PLXNA3: variants seen among roughly 807,000 people sequenced by gnomAD.
The protein encoded by PLXNA3 is plexin-A3.
A neutral mutation model predicts 118.8 loss-of-function variants in PLXNA3; 52 were observed. The ratio of observed to expected loss-of-function variants is 0.44; its 90% confidence interval spans 0.35 to 0.55. The LOEUF is 0.55. Among genes scored for constraint, PLXNA3 ranks in the 20% least tolerant of loss-of-function variants. PLXNA3 has a pLI of 0.01. For missense variants in PLXNA3, 1,660 were observed against 1,730.8 expected (o/e 0.96, Z 0.73); for synonymous variants, 925 against 762.4 (o/e 1.21, Z -3.51).
chrX:154,466,849 G>A, intron 17 of PLXNA3, 56 bp downstream of exon 17: 1 of 1,049,353 alleles, frequency 9.5e-7, no homozygotes, highest in Non-Finnish European at 1.3e-6. Context: ...CAGGGACTGG[G>A]TGGTCTCTGA....
chrX:154,461,784 C>G (rs781850121), intron 3 of PLXNA3, 146 bp downstream of exon 3: 1 of 566,465 alleles, frequency 1.8e-6, no homozygotes, highest in Non-Finnish European at 2.8e-6. Context: ...TTCTCCCTCC[C>G]AGGGGTCCCT....
Position 154,467,776 on chromosome X carries a change from G to T in PLXNA3, c.3595G>T (p.Gly1199Cys). The T allele has an allele frequency of 8.3e-7, 1 of 1,201,102 alleles. No homozygotes were observed. Residue 1199 changes from glycine (G) to cysteine (C), a missense_variant, in exon 21 of 33, where the codon GGT becomes TGT. Physicochemically the swap from Gly to Cys is radical, Grantham distance 159. Around this residue, in one of 2 missense-constraint regions of PLXNA3, gnomAD observed 869 missense variants for 1,078.7 expected, o/e 0.81. Coordinates refer to ENST00000369682, the MANE Select transcript of PLXNA3 (RefSeq NM_017514.5). ...AGGCCTGTCCCCACAGGTGCTGGTG[G>T]GTGGCCTGGAGTTCTGGCTGGGCAC... ...TGRQPVMVLVGGLEFWLGTLH... is the reference protein window; with the variant it reads ...TGRQPVMVLVCGLEFWLGTLH...
rs1557210702 is a variant in PLXNA3, at chrX:154,475,320, C to T, written c.*2635C>T. ...TTCTCCATGTTGGTCAGGCTGGTCT[C>T]GAGCTCCCGACCTCAGGTGATCCGC... On this transcript the variant is annotated 3_prime_UTR_variant, in exon 33 of 33. Transcript: ENST00000369682. The T allele has an allele frequency of 9.0e-6, 1 of 111,120 alleles. No homozygotes were observed. Among genetic ancestry groups the T allele is most frequent in the African/African-American group, 3.3e-5 (1 of 30,544 alleles). 9.2% of individuals were successfully genotyped at this position (111,120 alleles called of 1,213,427 possible).
rs1310874216 is a variant in PLXNA3, at chrX:154,467,359, C to T, written c.3329C>T (p.Thr1110Met). The T allele has an allele frequency of 1.2e-5, 15 of 1,203,404 alleles. No individual in the cohort carries two copies. The highest frequency in any genetic ancestry group is 3.0e-5 in the East Asian group (1 of 33,777). The change falls in exon 19 of 33, where the codon ACG becomes ATG. Residue 1110 changes from threonine to methionine, a missense_variant. Physicochemically the swap from Thr to Met is moderately conservative, Grantham distance 81. Transcript: ENST00000369682. ...EFGFLLDHVQ[T>M]ARSLNRSSFT... is the part of the protein sequence containing the mutation. The stretch of plus-strand genomic sequence containing the variant: ...GGCTTCCTGCTGGACCACGTGCAAA[C>T]GGCCCGCTCCCTCAACCGCTCCTCC...
chrX:154,472,877 G>C lies in PLXNA3; in HGVS notation c.*192G>C. 2.4e-6 allele frequency: 1 copy of C among 409,408 alleles called. No homozygotes were observed. Among genetic ancestry groups the C allele is most frequent in the South Asian group, 3.9e-5 (1 of 25,380 alleles). The allele number at this position is 409,408 out of a possible 1,213,427, so 33.7% of individuals were successfully genotyped here. ...TGCCTTGCTTTGGGCCCTGCAGGGGGAGGGGTGACAGGGCGAGCCCCCACC... is the reference window on the plus strand; with the variant it reads ...TGCCTTGCTTTGGGCCCTGCAGGGGCAGGGGTGACAGGGCGAGCCCCCACC... On this transcript the variant is annotated 3_prime_UTR_variant, in exon 33 of 33. Transcript: ENST00000369682.
Position 154,463,621 on chromosome X carries a change from A to T in PLXNA3, c.1478A>T (p.Gln493Leu). The change falls in exon 6 of 33, where the codon CAG becomes CTG. Residue 493 changes from glutamine to leucine, a missense_variant. Physicochemically the swap from Gln to Leu is moderately radical, Grantham distance 113 (BLOSUM62 -2). Transcript: ENST00000369682. ...CAGCTCCCGGTGGAGACCTGTGAGCAGTACCAGAGCTGCGCAGCCTGCCTG... is the reference window on the plus strand; with the variant it reads ...CAGCTCCCGGTGGAGACCTGTGAGCTGTACCAGAGCTGCGCAGCCTGCCTG... ...VSQLPVETCE[Q>L]YQSCAACLGS... is the part of the protein sequence containing the mutation. 1 of 1,204,757 alleles carries T rather than the reference A, an allele frequency of 8.3e-7. No individual in the cohort carries two copies.
At position 154,465,947 on chromosome X, in the gene PLXNA3, G is replaced by A. The variant is rs200544868; in HGVS notation, c.2545G>A (p.Val849Met). The change falls in exon 14 of 33, where the codon GTG becomes ATG. Residue 849 changes from valine to methionine, a missense_variant. Transcript: ENST00000369682. ...TCCTGCTCCACAGATCCACCCTCTC[G>A]TGGGGCCCAAGGAAGGAGGCACCCG... ...HPRITQIHPLVGPKEGGTRVT... is the reference protein window; with the variant it reads ...HPRITQIHPLMGPKEGGTRVT... The A allele has an allele frequency of 1.1e-5, 13 of 1,210,240 alleles. No individual in the cohort carries two copies. Among genetic ancestry groups the A allele is most frequent in the Admixed American group, 4.4e-5 (2 of 45,942 alleles).
intron 12 of PLXNA3, 46 bp downstream of exon 12, chrX:154,465,566 T>G: frequency 8.6e-7 from 1 of 1,160,342 alleles, no homozygotes. Context: ...CAATTGGCAC[T>G]GCTGGGGTCG....
At position 154,472,655 on chromosome X, in the gene PLXNA3, GATC is replaced by G. The variant is rs1557209872; in HGVS notation, c.5591_5593del (p.Ile1864del). 8.3e-7 allele frequency: 1 copy of G among 1,205,542 alleles called. No individual in the cohort carries two copies. Among genetic ancestry groups the G allele is most frequent in the South Asian group, 1.8e-5 (1 of 56,838 alleles). On this transcript the variant is annotated inframe_deletion, in exon 33 of 33. Transcript: ENST00000369682. Reference sequence around the variant, plus strand: ...ATAAGTTGCGGCAGAAACTGGAACAGATCATCAGCCTCGTGTCCAGCGACAGCT... The same window carrying G: ...ATAAGTTGCGGCAGAAACTGGAACAGATCAGCCTCGTGTCCAGCGACAGCT...
In PLXNA3 at chrX:154,469,327, C is replaced by G; in HGVS notation, c.4595-52C>G. 6.0e-6 allele frequency: 7 copies of G among 1,160,836 alleles called. No individual in the cohort carries two copies. In the South Asian group the frequency reaches 1.3e-4, roughly 21 times the overall value. ...ACCCTGTTTCCAAAGAGGAGTGGGC[C>G]AGGCACTTGGGGGCTGCCAGCATAA... On this transcript the variant is annotated intron_variant, in intron 26 of 32. Coordinates refer to ENST00000369682, the MANE Select transcript of PLXNA3 (RefSeq NM_017514.5).
chrX:154,462,068 C>T lies in PLXNA3; in HGVS notation c.1135-60C>T, dbSNP rs782472537. 2.5e-5 allele frequency: 25 copies of T among 990,396 alleles called. No homozygotes were observed. In the Middle Eastern group the frequency reaches 1.2e-3, roughly 46 times the overall value. 81.6% of individuals were successfully genotyped at this position (990,396 alleles called of 1,213,427 possible). A position where few individuals can be genotyped will look rare whatever the true frequency, so the allele number is the denominator to read the frequency against. On this transcript the variant is annotated intron_variant, in intron 3 of 32. Transcript: ENST00000369682. ...CTCTCTTCTGGGACACAGGAACTGC[C>T]GGCCTCCATCTTGCGCCTGGGAGCT...
chrX:154,462,657 G>A (rs1408790386), intron 4 of PLXNA3, among the ~76,000 whole-genome samples: 1 of 111,977 alleles, frequency 8.9e-6, no homozygotes, highest in Non-Finnish European at 1.9e-5. Context: ...GGGAGCAAAT[G>A]CCTTGCCCCT....
Position 154,476,438 on chromosome X carries a change from C to G in PLXNA3, c.*3753C>G. ...CACCATTGCACTCCAGCCTGGGCAA[C>G]AAGAGTGAAACACTGTCTCAAAAAA... On this transcript the variant is annotated 3_prime_UTR_variant, in exon 33 of 33. Coordinates refer to ENST00000369682, the MANE Select transcript of PLXNA3 (RefSeq NM_017514.5). The G allele has an allele frequency of 1.5e-5, 1 of 66,175 alleles. No homozygotes were observed. Among genetic ancestry groups the G allele is most frequent in the South Asian group, 7.5e-4 (1 of 1,342 alleles). The allele number at this position is 66,175 out of a possible 1,213,427, so 5.5% of individuals were successfully genotyped here. A position where few individuals can be genotyped will look rare whatever the true frequency, so the allele number is the denominator to read the frequency against.
rs782448223 is a variant in PLXNA3, at chrX:154,462,040, C to T, written c.1135-88C>T. 126 of 798,261 alleles carry T rather than the reference C, an allele frequency of 1.6e-4. No individual in the cohort carries two copies. In the African/African-American group the frequency reaches 2.5e-3, roughly 16 times the overall value. 65.8% of individuals were successfully genotyped at this position (798,261 alleles called of 1,213,427 possible). On this transcript the variant is annotated intron_variant, in intron 3 of 32. Coordinates refer to ENST00000369682, the MANE Select transcript of PLXNA3 (RefSeq NM_017514.5). ...GCTGGAGGGGACCGGGTTCTAGATC[C>T]CGCTCTCTTCTGGGACACAGGAACT...
chrX:154,468,058 T>A (rs1287735962), intron 21 of PLXNA3, 24 bp from the exon 22 acceptor site: 1 of 1,191,921 alleles, frequency 8.4e-7, no homozygotes, highest in African/African-American at 1.8e-5. Context: ...TCCTGCCCAC[T>A]CATTCCCTCT....
chrX:154,469,070 G>T lies in PLXNA3; in HGVS notation c.4449G>T (p.Val1483=), dbSNP rs782453998. The T allele has an allele frequency of 5.8e-6, 7 of 1,210,506 alleles. No homozygotes were observed. The South Asian group carries it at 1.2e-4, about 21-fold the overall frequency. ...TTTCCCCTCAGACCCTTCACTGCGT[G>T]TGTCCGGAGAACGAGGGCAGCGCCC... ...IDYKTLTLHC[V]CPENEGSAQV... Residue 1483 remains valine (V), a synonymous_variant, in exon 26 of 33, where the codon GTG becomes GTT. Transcript: ENST00000369682.
chrX:154,470,020 A>G lies in PLXNA3; in HGVS notation c.4839A>G (p.Ser1613=), dbSNP rs1557208831. 8.3e-7 allele frequency: 1 copy of G among 1,211,350 alleles called. No individual in the cohort carries two copies. The change falls in exon 29 of 33, where the codon TCA becomes TCG. Residue 1613 remains serine, a synonymous_variant. Coordinates refer to ENST00000369682, the MANE Select transcript of PLXNA3 (RefSeq NM_017514.5). ...RTASSPDSLR[S]RAPMITPDQE... ...CCAGCAGCCCTGATAGCCTCCGCTC[A>G]CGGGCACCCATGATTACGCCTGACC... is the stretch of plus-strand genomic sequence containing the variant.
Sources: gnomAD v4.1 joint callset for allele counts (sites outside exome capture counted in the v4.1 genomes callset) on GRCh38, gnomAD v4.1.1 for gene constraint, gnomAD v4.1.1 regional missense constraint, MANE v1.5 for transcripts, NCBI Gene and HGNC (gene_info 2026-07-23, HGNC 2026-07-21) for gene names.